Variants in FBXO4 observed in about 807,000 individuals in gnomAD.
FBXO4 encodes the protein F-box only protein 4.
Under a neutral mutation model 43.7 loss-of-function variants are expected in FBXO4, and 36 were observed. That is an observed-to-expected ratio of 0.82 (90% CI 0.63 to 1.09). The LOEUF is 1.09. Among genes scored for constraint, FBXO4 ranks in the 50% least tolerant of loss-of-function variants. The pLI is 0.00. For synonymous variants in FBXO4, 180 were observed against 165.6 expected (o/e 1.09, Z -0.67); for missense variants, 435 against 474.1 (o/e 0.92, Z 0.77).
At chr5:42,023,591 A>G in the FBXO4 span, among the ~76,000 whole-genome samples, 1 of 152,018 alleles carries the variant, frequency 6.6e-6, no homozygotes. Context: ...CTAAGTGGAT[A>G]TGAAAGCAGA....
the FBXO4 span, among the ~76,000 whole-genome samples, chr5:42,021,518 T>C: frequency 2.6e-5 from 4 of 152,244 alleles, no homozygotes; most frequent in South Asian, 8.3e-4. Context: ...GCAATGCTCA[T>C]TGAACATACA....
chr5:41,981,783 T>A, the FBXO4 span, among the ~76,000 whole-genome samples: 1 of 151,634 alleles, frequency 6.6e-6, no homozygotes, highest in African/African-American at 2.4e-5. Context: ...AGTTCTAGGG[T>A]ACATGTGCAC....
At chr5:41,937,840 G>T (rs992639187) in intron 5 of FBXO4, among the ~76,000 whole-genome samples, 1 of 152,062 alleles carries the variant, frequency 6.6e-6, no homozygotes, top group Non-Finnish European at 1.5e-5. Context: ...GCTGCAAGCC[G>T]TTTTTAATGG....
chr5:41,960,504 A>G, the FBXO4 span, among the ~76,000 whole-genome samples: 3 of 152,024 alleles, frequency 2.0e-5, no homozygotes, highest in African/African-American at 7.2e-5. Context: ...TATGGTCTTT[A>G]TTGTGTTGAG....
the FBXO4 span, among the ~76,000 whole-genome samples, chr5:41,965,510 C>G: frequency 6.6e-6 from 1 of 152,274 alleles, no homozygotes; most frequent in East Asian, 1.9e-4. Flanking sequence ...TTCTTCCTAC[C>G]CATGAGCATG....
At chr5:41,997,468 C>A in the FBXO4 span, among the ~76,000 whole-genome samples, 32 of 152,256 alleles carry the variant, frequency 2.1e-4, no homozygotes, top group African/African-American at 7.7e-4. Context: ...CATCCTTTCC[C>A]ACCATAATAG....
At chr5:42,032,057 C>CTGTGTGTGTG in the FBXO4 span, among the ~76,000 whole-genome samples, 66 of 139,324 alleles carry the variant, frequency 4.7e-4, no homozygotes, top group African/African-American at 1.6e-3. Context: ...GTCTTTTTTT[C>CTGTGTGTGTG]TGTGTGTGTG....
At chr5:41,983,235 A>G in the FBXO4 span, among the ~76,000 whole-genome samples, 1 of 152,186 alleles carries the variant, frequency 6.6e-6, no homozygotes, top group African/African-American at 2.4e-5. Context: ...TTATTTTTAA[A>G]GGAGTGATAC....
At chr5:41,940,038 A>T (rs148678428) in intron 6 of FBXO4, among the ~76,000 whole-genome samples, 1 of 151,000 alleles carries the variant, frequency 6.6e-6, no homozygotes, top group African/African-American at 2.4e-5. Flanking sequence ...TTTTGTAGAG[A>T]TGGGGTTTCT....
chr5:41,999,189 A>G, the FBXO4 span, among the ~76,000 whole-genome samples: 98 of 151,622 alleles, frequency 6.5e-4, 2 homozygotes, highest in Non-Finnish European at 5.3e-4. Flanking sequence ...AACAGTTAAT[A>G]CCAAGGACTC....
chr5:41,951,940 G>T, the FBXO4 span: 2 of 321,736 alleles, frequency 6.2e-6, no homozygotes, highest in East Asian at 8.8e-5. Flanking sequence ...AGCACAGCCT[G>T]GTGGTCAGTA....
At chr5:42,020,439 A>T in the FBXO4 span, among the ~76,000 whole-genome samples, 4 of 152,232 alleles carry the variant, frequency 2.6e-5, no homozygotes, top group African/African-American at 9.6e-5. Context: ...CAAGAGGGTA[A>T]CATGATAGAA....
chr5:41,934,627 A>G lies in FBXO4; in HGVS notation c.898+319A>G, dbSNP rs1360314044. ...CTGATGCATTCCAAAGTTTGGTACT[A>G]GAGCTATACAATATTTTTTTGCTTT... On this transcript the variant is annotated intron_variant, in intron 5 of 6. Transcript: ENST00000281623. The G allele has an allele frequency of 2.6e-6, 3 of 1,175,030 alleles. No individual in the cohort carries two copies. In the African/African-American group the frequency reaches 4.7e-5, roughly 18 times the overall value. The allele number at this position is 1,175,030 out of a possible 1,614,324, so 72.8% of individuals were successfully genotyped here.
At chr5:41,984,139 T>C in the FBXO4 span, among the ~76,000 whole-genome samples, 1 of 152,206 alleles carries the variant, frequency 6.6e-6, no homozygotes, top group Non-Finnish European at 1.5e-5. Flanking sequence ...CTATTCATTT[T>C]AATTAGCAAA....
the FBXO4 span, among the ~76,000 whole-genome samples, chr5:41,998,680 G>A: frequency 6.6e-6 from 1 of 152,150 alleles, no homozygotes; most frequent in Non-Finnish European, 1.5e-5. Context: ...TATGAGAGGG[G>A]ATGTTGTCAC....
At chr5:42,037,162 A>C in the FBXO4 span, among the ~76,000 whole-genome samples, 1 of 152,050 alleles carries the variant, frequency 6.6e-6, no homozygotes, top group Non-Finnish European at 1.5e-5. Context: ...AGTTTATTTA[A>C]GCTCATAGTA....
the FBXO4 span, among the ~76,000 whole-genome samples, chr5:41,980,328 G>A: frequency 1.8e-4 from 27 of 152,210 alleles, no homozygotes; most frequent in South Asian, 5.2e-3. Context: ...CATACGTATA[G>A]GTTAATACTT....
chr5:41,957,428 G>T, the FBXO4 span, among the ~76,000 whole-genome samples: 11 of 146,854 alleles, frequency 7.5e-5, no homozygotes, highest in Non-Finnish European at 1.3e-4. Flanking sequence ...TATATAATAC[G>T]ATTTCTATAA....
chr5:41,978,705 T>G, the FBXO4 span, among the ~76,000 whole-genome samples: 3 of 152,194 alleles, frequency 2.0e-5, no homozygotes, highest in African/African-American at 4.8e-5. Context: ...CTTTCCCAAA[T>G]TTTTTCTTTC....
Sources: allele counts gnomAD v4.1 joint callset (sites outside exome capture counted in the v4.1 genomes callset), GRCh38; gene constraint gnomAD v4.1.1; transcripts MANE v1.5; gene names NCBI Gene and HGNC (gene_info 2026-07-23, HGNC 2026-07-21).